CIT: variants seen among roughly 807,000 people sequenced by gnomAD.
CIT encodes the protein citron Rho-interacting kinase.
A neutral mutation model predicts 272.7 loss-of-function variants in CIT; 79 were observed. That is an observed-to-expected ratio of 0.29 (90% CI 0.24 to 0.35). The LOEUF is 0.35. Ranked by LOEUF, CIT falls within the 10% of genes least tolerant of loss-of-function variation. The pLI, the probability that CIT is intolerant of heterozygous loss-of-function variation, is 1.00. For missense variants in CIT, 1,909 were observed against 2,618.3 expected (o/e 0.73, Z 5.91); for synonymous variants, 948 against 995.6 (o/e 0.95, Z 0.90).
intron 9 of CIT, among the ~76,000 whole-genome samples, chr12:119,811,931 T>G (rs1389343715): frequency 1.3e-5 from 2 of 149,494 alleles, no homozygotes; most frequent in African/African-American, 2.5e-5. Context: ...CCCTGGTGGA[T>G]ATTCCCCAGG....
At chr12:119,701,804 C>G in intron 42 of CIT, 46 bp downstream of exon 42, 1 of 1,614,140 alleles carries the variant, frequency 6.2e-7, no homozygotes, top group Non-Finnish European at 8.5e-7. Context: ...TGAGTCTCAG[C>G]GCGGCCTGAG....
In CIT at chr12:119,711,143, C is replaced by T. The variant is rs377642940; in HGVS notation, c.4855-523G>A. The T allele has an allele frequency of 9.6e-6, 13 of 1,349,946 alleles. No individual in the cohort carries two copies. The East Asian group carries it at 3.6e-4, about 38-fold the overall frequency. 83.6% of individuals were successfully genotyped at this position (1,349,946 alleles called of 1,614,324 possible). ...TTTCAGTAAAAGCTCACGTGTGAAA[C>T]GACCAACAAGTCATCCAAACAGGTC... On this transcript the variant is annotated intron_variant, in intron 37 of 47. Coordinates refer to ENST00000392521, the MANE Select transcript of CIT (RefSeq NM_001206999.2).
chr12:119,775,681 G>C, intron 16 of CIT, 105 bp downstream of exon 16: 1 of 821,418 alleles, frequency 1.2e-6, no homozygotes, highest in South Asian at 1.6e-5. Context: ...TCAGCGCTGG[G>C]TGACTAATTC....
intron 32 of CIT, among the ~76,000 whole-genome samples, chr12:119,717,109 A>G (rs188651882): frequency 2.0e-4 from 31 of 152,330 alleles, no homozygotes; most frequent in African/African-American, 7.5e-4. Flanking sequence ...CTGGAATGCA[A>G]TGGCTTTATC....
intron 22 of CIT, among the ~76,000 whole-genome samples, chr12:119,756,367 CAAGGGCCCAGTTACA>C (rs1960984544): frequency 6.6e-6 from 1 of 152,196 alleles, no homozygotes; most frequent in Admixed American, 6.5e-5. Context: ...GCAAGTGGCT[CAAGGGCCCAGTTACA>C]AAGTTTTCTG....
chr12:119,714,232 G>C lies in CIT; in HGVS notation c.4271C>G (p.Thr1424Ser), dbSNP rs1476567694. 1 of 1,614,140 alleles carries C rather than the reference G, an allele frequency of 6.2e-7. No homozygotes were observed. Reference protein sequence around the residue: ...RATKCAVCLDTVHFGRQASKC... With the variant: ...RATKCAVCLDSVHFGRQASKC... Reference sequence around the variant, plus strand: ...GGATGCCTGGCGTCCAAAGTGCACGGTATCCAGACACACAGCACACTTTGT... The same window carrying C: ...GGATGCCTGGCGTCCAAAGTGCACGCTATCCAGACACACAGCACACTTTGT... Residue 1424 changes from threonine (T) to serine (S), a missense_variant, in exon 33 of 48, where the codon ACC (threonine) becomes AGC (serine). Around this residue, in one of 8 missense-constraint regions of CIT, gnomAD observed 780 missense variants for 1,067.2 expected, o/e 0.73. Transcript: ENST00000392521.
intron 4 of CIT, 114 bp from the exon 5 acceptor site, chr12:119,850,389 G>GGCAAAGGAAAGAAA: frequency 2.9e-6 from 1 of 350,832 alleles, no homozygotes. Context: ...AAAAAAAAAA[G>GGCAAAGGAAAGAAA]GCAAAGGAAA....
At chr12:119,744,114 A>C (rs1224145545) in intron 23 of CIT, among the ~76,000 whole-genome samples, 2 of 152,206 alleles carry the variant, frequency 1.3e-5, no homozygotes, top group Non-Finnish European at 2.9e-5. Flanking sequence ...TGTTACTGTC[A>C]TTCAAGCGAG....
At chr12:119,771,423 A>C (rs1963131286) in intron 17 of CIT, among the ~76,000 whole-genome samples, 2 of 152,158 alleles carry the variant, frequency 1.3e-5, no homozygotes, top group South Asian at 4.1e-4. Context: ...TTTCAGACAA[A>C]AGGAGACACA....
At position 119,772,792 on chromosome 12, in the gene CIT, C is replaced by G; in HGVS notation, c.2060G>C (p.Arg687Thr). The change falls in exon 17 of 48, where the codon AGA (arginine) becomes ACA (threonine). Residue 687 changes from arginine (R) to threonine (T), a missense_variant. Physicochemically the swap from Arg to Thr is moderately conservative, Grantham distance 71 (BLOSUM62 -1). Transcript: ENST00000392521. ...QNREDSSEGIRKKLVEAEERR... is the reference protein window; with the variant it reads ...QNREDSSEGITKKLVEAEERR... ...CACCTCAGCTTCCACCAGCTTCTTT[C>G]TGATGCCTTCAGAAGAATCCTCTCG... 6.2e-7 allele frequency: 1 copy of G among 1,613,608 alleles called. No individual in the cohort carries two copies. The highest frequency in any genetic ancestry group is 1.1e-5 in the South Asian group (1 of 91,058).
At chr12:119,722,919 G>A (rs1957878967) in intron 28 of CIT, among the ~76,000 whole-genome samples, 1 of 152,152 alleles carries the variant, frequency 6.6e-6, no homozygotes, top group Non-Finnish European at 1.5e-5. Context: ...GCCAGGCACA[G>A]TGGCTCACAC....
intron 5 of CIT, among the ~76,000 whole-genome samples, chr12:119,836,171 C>T (rs1322817591): frequency 6.6e-6 from 1 of 150,828 alleles, no homozygotes; most frequent in Non-Finnish European, 1.5e-5. Context: ...CCTGTAGTCC[C>T]AGCTACTCGG....
At chr12:119,698,697 T>C (rs1047314515) in intron 44 of CIT, among the ~76,000 whole-genome samples, 2 of 152,172 alleles carry the variant, frequency 1.3e-5, no homozygotes, top group Non-Finnish European at 2.9e-5. Flanking sequence ...CAAGGTACAC[T>C]GCTCAGTGCA....
rs1285342226 is a variant in CIT at position 119,876,086 on chromosome 12, T to C, written c.83A>G (p.Asn28Ser). Residue 28 changes from asparagine (N) to serine (S), a missense_variant, in exon 2 of 48, where the codon AAT becomes AGT. Coordinates refer to ENST00000392521, the MANE Select transcript of CIT (RefSeq NM_001206999.2). Reference protein sequence around the residue: ...EPIASRASRLNLFFQGKPPFM... With the variant: ...EPIASRASRLSLFFQGKPPFM... ...GTAGGCTGTTACCTGGAAGAACAGA[T>C]TCAGCCTGGAGGCCCGGCTGGCAAT... is the stretch of plus-strand genomic sequence containing the variant. 1.2e-6 allele frequency: 2 copies of C among 1,613,110 alleles called. No individual in the cohort carries two copies. The highest frequency in any genetic ancestry group is 1.1e-5 in the South Asian group (1 of 91,038).
At chr12:119,774,043 G>A (rs994961893) in intron 16 of CIT, among the ~76,000 whole-genome samples, 11 of 152,146 alleles carry the variant, frequency 7.2e-5, no homozygotes, top group African/African-American at 2.4e-4. Flanking sequence ...AATGAAAGAA[G>A]CCAGTCACAA....
intron 44 of CIT, chr12:119,699,794 T>C (rs770495156): frequency 2.2e-6 from 1 of 456,112 alleles, no homozygotes; most frequent in South Asian, 1.5e-5. Context: ...TAAGCTGTTG[T>C]TTGAAGTCAC....
At position 119,775,801 on chromosome 12, in the gene CIT, T is replaced by G. The variant is rs754514332; in HGVS notation, c.1926A>C (p.Gln642His). Residue 642 changes from glutamine to histidine, a missense_variant, in exon 16 of 48, where the codon CAA (glutamine) becomes CAC (histidine). Gln to His is a conservative substitution (Grantham distance 24). Coordinates refer to ENST00000392521, the MANE Select transcript of CIT (RefSeq NM_001206999.2). ...TTGGGCTTACCTTCTCCAGTTTCTC[T>G]TGGAGCTCCTGAATTTTGAGCTGCT... is the stretch of plus-strand genomic sequence containing the variant. ...AEQQLKIQELQEKLEKAVKAS... is the reference protein window; with the variant it reads ...AEQQLKIQELHEKLEKAVKAS... The G allele has an allele frequency of 2.7e-4, 433 of 1,613,780 alleles. No individual in the cohort carries two copies. The highest frequency in any genetic ancestry group is 3.5e-4 in the Non-Finnish European group (411 of 1,179,720).
intron 39 of CIT, 23 bp from the exon 40 acceptor site, chr12:119,708,341 T>G: frequency 1.3e-6 from 2 of 1,547,656 alleles, no homozygotes. Context: ...AGGAACAACC[T>G]CTCGTCAGTG....
At chr12:119,800,379 C>T (rs1966090009) in intron 10 of CIT, among the ~76,000 whole-genome samples, 1 of 152,210 alleles carries the variant, frequency 6.6e-6, no homozygotes, top group Non-Finnish European at 1.5e-5. Flanking sequence ...GAAACGCTGT[C>T]ATCAAGATTC....
Sources: gnomAD v4.1 joint callset for allele counts (sites outside exome capture counted in the v4.1 genomes callset) on GRCh38, gnomAD v4.1.1 for gene constraint, gnomAD v4.1.1 regional missense constraint, MANE v1.5 for transcripts, NCBI Gene and HGNC (gene_info 2026-07-23, HGNC 2026-07-21) for gene names.